Variants in SHISA9 observed in about 807,000 individuals in gnomAD.
The protein encoded by SHISA9 is protein shisa-9.
Under a neutral mutation model 38.0 loss-of-function variants are expected in SHISA9, and 13 were observed. That is an observed-to-expected ratio of 0.34 (90% CI 0.22 to 0.54). The LOEUF (loss-of-function observed/expected upper bound fraction) is 0.54, where lower values mean the gene tolerates loss of function less well. Among genes scored for constraint, SHISA9 ranks in the 20% least tolerant of loss-of-function variants. SHISA9 has a pLI of 0.91. For synonymous variants in SHISA9, 275 were observed against 242.0 expected, an observed-to-expected ratio of 1.14 and a Z score of -1.27; for missense variants, 538 against 575.8, an observed-to-expected ratio of 0.93 and a Z score of 0.67.
intron 2 of SHISA9, among the ~76,000 whole-genome samples, chr16:13,086,139 T>C (rs552551911): frequency 6.3e-4 from 96 of 152,032 alleles, no homozygotes; most frequent in African/African-American, 2.3e-3. Flanking sequence ...GGGCAGATCA[T>C]GAGGTCAAGA....
chr16:13,289,593 A>G, the SHISA9 span, among the ~76,000 whole-genome samples: 135,406 of 151,752 alleles, frequency 0.89, 60,653 homozygotes, highest in African/African-American at 0.96. Context: ...AAAGTGATGA[A>G]GGAGGGTAGG....
chr16:13,488,824 C>T, the SHISA9 span, among the ~76,000 whole-genome samples: 130 of 152,292 alleles, frequency 8.5e-4, 1 homozygote, highest in African/African-American at 3.1e-3. Flanking sequence ...TGCAGTGGCG[C>T]GATCTCAGCT....
chr16:13,264,111 A>C, the SHISA9 span, among the ~76,000 whole-genome samples: 1 of 151,058 alleles, frequency 6.6e-6, no homozygotes, highest in Non-Finnish European at 1.5e-5. Context: ...GGCTGTCATC[A>C]CCTGTGTCTG....
chr16:13,340,670 C>A, the SHISA9 span, among the ~76,000 whole-genome samples: 1 of 152,220 alleles, frequency 6.6e-6, no homozygotes, highest in Non-Finnish European at 1.5e-5. Flanking sequence ...CTTCAAACAG[C>A]TCTGTGGCTC....
chr16:13,220,122 G>C (rs1417489804), intron 4 of SHISA9, among the ~76,000 whole-genome samples: 1 of 152,152 alleles, frequency 6.6e-6, no homozygotes, highest in Non-Finnish European at 1.5e-5. Flanking sequence ...AATGTATTTA[G>C]ACCAGCATTT....
At chr16:13,260,721 C>T in the SHISA9 span, among the ~76,000 whole-genome samples, 1 of 152,178 alleles carries the variant, frequency 6.6e-6, no homozygotes, top group African/African-American at 2.4e-5. Flanking sequence ...CCAAACTGTT[C>T]CAACTTCTGC....
chr16:12,902,964 G>T (rs767138925), intron 1 of SHISA9: 17 of 285,014 alleles, frequency 6.0e-5, no homozygotes, highest in Non-Finnish European at 1.1e-4. Flanking sequence ...GAAATCTTCG[G>T]GTTTGGGGAG....
chr16:12,990,400 A>G (rs1210859936), intron 2 of SHISA9, among the ~76,000 whole-genome samples: 1 of 152,198 alleles, frequency 6.6e-6, no homozygotes, highest in Non-Finnish European at 1.5e-5. Flanking sequence ...ACTCCCACCA[A>G]CAGTGTAAAA....
At chr16:13,411,516 C>A in the SHISA9 span, among the ~76,000 whole-genome samples, 1 of 152,244 alleles carries the variant, frequency 6.6e-6, no homozygotes, top group Non-Finnish European at 1.5e-5. Flanking sequence ...TAAAGGCTAG[C>A]AGTCCAGGCC....
chr16:13,229,761 G>GTGTTTTAT (rs2051313029), intron 4 of SHISA9, among the ~76,000 whole-genome samples: 1 of 152,226 alleles, frequency 6.6e-6, no homozygotes, highest in South Asian at 2.1e-4. Context: ...TTATAAAACA[G>GTGTTTTAT]CGTAGTCAGT....
intron 4 of SHISA9, among the ~76,000 whole-genome samples, chr16:13,231,161 A>G (rs1208452599): frequency 6.6e-6 from 1 of 152,168 alleles, no homozygotes; most frequent in African/African-American, 2.4e-5. Flanking sequence ...GTCCTGCAAG[A>G]GAAGAGGAGC....
At chr16:13,538,616 G>A in the SHISA9 span, among the ~76,000 whole-genome samples, 2 of 152,120 alleles carry the variant, frequency 1.3e-5, no homozygotes, top group East Asian at 3.9e-4. Flanking sequence ...TTGGTGAGGA[G>A]GTAACATTCT....
the SHISA9 span, among the ~76,000 whole-genome samples, chr16:13,282,312 C>T: frequency 6.6e-6 from 1 of 151,602 alleles, no homozygotes; most frequent in Admixed American, 6.7e-5. Flanking sequence ...TCAGCATATT[C>T]AAGATTTTTT....
At chr16:12,983,485 G>C (rs2072266748) in intron 2 of SHISA9, among the ~76,000 whole-genome samples, 1 of 152,184 alleles carries the variant, frequency 6.6e-6, no homozygotes, top group Non-Finnish European at 1.5e-5. Context: ...TCAGAGAGCA[G>C]AGAGTGGTTT....
chr16:13,452,999 CCTT>C, the SHISA9 span, among the ~76,000 whole-genome samples: 3 of 152,000 alleles, frequency 2.0e-5, no homozygotes, highest in East Asian at 1.9e-4. Flanking sequence ...ACCTCCACCT[CCTT>C]GTTTCAAGCG....
At chr16:13,429,271 G>A in the SHISA9 span, among the ~76,000 whole-genome samples, 15 of 152,302 alleles carry the variant, frequency 9.8e-5, 1 homozygote, top group South Asian at 3.1e-3. Flanking sequence ...AAACTGGGTG[G>A]CTTAAATAAG....
At chr16:12,932,769 G>C (rs2071478519) in intron 2 of SHISA9, among the ~76,000 whole-genome samples, 1 of 152,224 alleles carries the variant, frequency 6.6e-6, no homozygotes, top group African/African-American at 2.4e-5. Context: ...GAGTAGGCAA[G>C]TAGGTTTCAT....
rs116719258 is a variant in SHISA9, at chr16:13,061,949, C to G, written c.692-141445C>G. ...CAAGTTCCTTAAGTTGGACGGAGCTCAATGCGCCAGAGGAAAGGAGAGCAG... is the reference window on the plus strand; with the variant it reads ...CAAGTTCCTTAAGTTGGACGGAGCTGAATGCGCCAGAGGAAAGGAGAGCAG... On this transcript the variant is annotated intron_variant, in intron 2 of 4. Coordinates refer to ENST00000558583, the MANE Select transcript of SHISA9 (RefSeq NM_001145204.3). Among the ~76,000 whole-genome samples, 865 of 152,196 alleles carry G rather than the reference C, an allele frequency of 5.7e-3. 7 individuals carry two copies. The highest frequency in any genetic ancestry group is 0.02 in the African/African-American group (818 of 41,514).
At chr16:13,349,358 C>T in the SHISA9 span, among the ~76,000 whole-genome samples, 14 of 152,296 alleles carry the variant, frequency 9.2e-5, no homozygotes, top group South Asian at 2.9e-3. Flanking sequence ...AAAAACTTGC[C>T]TAAAGAATGA....
Sources: gnomAD v4.1 joint callset for allele counts (sites outside exome capture counted in the v4.1 genomes callset) on GRCh38, gnomAD v4.1.1 for gene constraint, MANE v1.5 for transcripts, NCBI Gene and HGNC (gene_info 2026-07-23, HGNC 2026-07-21) for gene names.